The following ABLIM2 variants were observed in gnomAD, a reference collection of about 807,000 sequenced individuals.
The protein encoded by ABLIM2 is actin binding LIM protein family member 2.
Under a neutral mutation model 97.7 loss-of-function variants are expected in ABLIM2, and 53 were observed. The ratio of observed to expected loss-of-function variants is 0.54; its 90% CI spans 0.44 to 0.68. The LOEUF (loss-of-function observed/expected upper bound fraction) is 0.68, where lower values mean the gene tolerates loss of function less well. Among genes scored for constraint, ABLIM2 ranks in the 30% least tolerant of loss-of-function variants. The pLI is 0.00. For synonymous variants in ABLIM2, 361 were observed against 345.8 expected, an observed-to-expected ratio of 1.04 and a Z score of -0.49; for missense variants, 835 against 867.2, an observed-to-expected ratio of 0.96 and a Z score of 0.47.
rs547216729 is a variant in ABLIM2, at chr4:8,118,448, C to T, written c.11-11811G>A. Among the ~76,000 whole-genome samples the T allele has an allele frequency of 7.2e-5, 11 of 152,290 alleles. No homozygotes were observed. The South Asian group carries it at 1.2e-3, about 17-fold the overall frequency. On this transcript the variant is annotated intron_variant, in intron 1 of 20. Transcript: ENST00000447017. The stretch of plus-strand genomic sequence containing the variant: ...TTTCTAATCTGAGTCGGCCTCACTG[C>T]GAGGGGGCCGTCAGCATGATGGAGT...
rs1308076386 is a variant in ABLIM2, at chr4:8,132,250, C to T, written c.11-25613G>A. On this transcript the variant is annotated intron_variant, in intron 1 of 20. Coordinates refer to ENST00000447017, the MANE Select transcript of ABLIM2 (RefSeq NM_001130083.2). This position sits in a 1 kb window ranked among gnomAD's most constrained non-coding sequence, Gnocchi z 8.0. The stretch of plus-strand genomic sequence containing the variant: ...AACCCCTCACTCCCTGACAGCCCAG[C>T]GCTGTGGCTGCCACCCATCACGGGG... 2.6e-5 allele frequency among the ~76,000 whole-genome samples: 4 copies of T among 152,158 alleles called. No individual in the cohort carries two copies. The highest frequency in any genetic ancestry group is 2.1e-4 in the South Asian group (1 of 4,820).
rs1193285589 is a variant in ABLIM2, at chr4:7,998,377, C to T, written c.1619-5450G>A. ...GTACAGCCTGTTCTTTTGGAGGCTA[C>T]GGTTCCAATGACAATTTGCTTTTCA... is the stretch of plus-strand genomic sequence containing the variant. On this transcript the variant is annotated intron_variant, in intron 16 of 20. Transcript: ENST00000447017. The surrounding 1 kb of genome is among the most constrained non-coding windows in gnomAD (Gnocchi z 6.4). Among the ~76,000 whole-genome samples the T allele has an allele frequency of 2.6e-5, 4 of 152,188 alleles. No homozygotes were observed. Among genetic ancestry groups the T allele is most frequent in the Admixed American group, 1.3e-4 (2 of 15,280 alleles).
rs942219374 is a variant in ABLIM2 at position 8,072,192 on chromosome 4, G to T, written c.675+5436C>A. ...AAAAACCCAGACCTGTTTTGCTCCT[G>T]TTCCTCGAATTAGGATGGTTCCTTC... On this transcript the variant is annotated intron_variant, in intron 6 of 20. Transcript: ENST00000447017. This position sits in a 1 kb window ranked among gnomAD's most constrained non-coding sequence, Gnocchi z 5.8. 7.7e-4 allele frequency among the ~76,000 whole-genome samples: 117 copies of T among 152,240 alleles called. 1 individual carries two copies. The highest frequency in any genetic ancestry group is 2.6e-4 in the Non-Finnish European group (18 of 68,036).
At chr4:8,047,975 G>C (rs142589508) in intron 8 of ABLIM2, among the ~76,000 whole-genome samples, 2 of 152,230 alleles carry the variant, frequency 1.3e-5, no homozygotes, top group Admixed American at 6.5e-5. Context: ...AGTCTCCCAG[G>C]CTCCCGAGGA....
chr4:8,097,548 T>C (rs1446814792), intron 2 of ABLIM2, among the ~76,000 whole-genome samples: 1 of 152,156 alleles, frequency 6.6e-6, no homozygotes, highest in Non-Finnish European at 1.5e-5. Context: ...CCAGGCTCTC[T>C]TGAGGGGCTG....
intron 10 of ABLIM2, among the ~76,000 whole-genome samples, chr4:8,030,620 G>T (rs1384796399): frequency 6.6e-6 from 1 of 152,212 alleles, no homozygotes; most frequent in Non-Finnish European, 1.5e-5. Flanking sequence ...CAGCCCTCAT[G>T]CTAGGTTCCT....
Position 8,082,596 on chromosome 4 carries a change from C to T in ABLIM2, c.455-1794G>A, listed in dbSNP as rs899399659. Among the ~76,000 whole-genome samples, 1 of 152,202 alleles carries T rather than the reference C, an allele frequency of 6.6e-6. No individual in the cohort carries two copies. Among genetic ancestry groups the T allele is most frequent in the Non-Finnish European group, 1.5e-5 (1 of 68,036 alleles). ...AAGCCGTTGGTCAAGCTCAGGATTTCCTAAGTGACCACACTGTGCACATTC... is the reference window on the plus strand; with the variant it reads ...AAGCCGTTGGTCAAGCTCAGGATTTTCTAAGTGACCACACTGTGCACATTC... On this transcript the variant is annotated intron_variant, in intron 4 of 20. Transcript: ENST00000447017. This position sits in a 1 kb window ranked among gnomAD's most constrained non-coding sequence, Gnocchi z 5.6.
intron 1 of ABLIM2, among the ~76,000 whole-genome samples, chr4:8,135,158 G>C (rs1850009758): frequency 6.6e-6 from 1 of 152,172 alleles, no homozygotes; most frequent in South Asian, 2.1e-4. Flanking sequence ...AAGGAAAAAA[G>C]GTAGGGAGAA....
chr4:8,000,920 G>A (rs978185993), intron 16 of ABLIM2, among the ~76,000 whole-genome samples: 2 of 152,198 alleles, frequency 1.3e-5, no homozygotes, highest in African/African-American at 2.4e-5. Context: ...CAAAGTCACC[G>A]CTGGACATTC....
At position 8,109,476 on chromosome 4, in the gene ABLIM2, GC is replaced by G. The variant is rs540527227; in HGVS notation, c.11-2840del. ...TCTCCCTGGTAAAAATCGAGTGACT[GC>G]ATCTCAGACAGAGGAGGCCATTTCC... On this transcript the variant is annotated intron_variant, in intron 1 of 20. Transcript: ENST00000447017. 1.7e-3 allele frequency among the ~76,000 whole-genome samples: 257 copies of G among 152,352 alleles called. 2 individuals carry two copies. The highest frequency in any genetic ancestry group is 5.9e-3 in the African/African-American group (247 of 41,584).
At chr4:8,047,358 T>C (rs914536030) in intron 8 of ABLIM2, among the ~76,000 whole-genome samples, 4 of 149,132 alleles carry the variant, frequency 2.7e-5, no homozygotes, top group African/African-American at 9.8e-5. Context: ...CCACCGCCTC[T>C]TCCTCCTCCT....
rs549927448 is a variant in ABLIM2 at position 7,970,060 on chromosome 4, C to A, written c.1825-2957G>T. 4.6e-5 allele frequency among the ~76,000 whole-genome samples: 7 copies of A among 152,256 alleles called. No homozygotes were observed. In the South Asian group the frequency reaches 1.4e-3, roughly 32 times the overall value. ...CTGAATTATGGTGGAACAATCAAGA[C>A]GGATGAGATCAAAGGAAAGAAAAAG... is the stretch of plus-strand genomic sequence containing the variant. On this transcript the variant is annotated intron_variant, in intron 20 of 20. Transcript: ENST00000447017. This position sits in a 1 kb window ranked among gnomAD's most constrained non-coding sequence, Gnocchi z 5.3.
At position 8,054,554 on chromosome 4, in the gene ABLIM2, G is replaced by A. The variant is rs779528031; in HGVS notation, c.764-308C>T. Among the ~76,000 whole-genome samples the A allele has an allele frequency of 1.3e-5, 2 of 152,230 alleles. No homozygotes were observed. Among genetic ancestry groups the A allele is most frequent in the Non-Finnish European group, 2.9e-5 (2 of 68,032 alleles). ...GCATAGGGTCTTGAGGAACCTGGGG[G>A]GCAGCTGGAAGATTCTTCTCTGAGG... is the stretch of plus-strand genomic sequence containing the variant. On this transcript the variant is annotated intron_variant, in intron 7 of 20. Coordinates refer to ENST00000447017, the MANE Select transcript of ABLIM2 (RefSeq NM_001130083.2). This position sits in a 1 kb window ranked among gnomAD's most constrained non-coding sequence, Gnocchi z 4.9.
intron 1 of ABLIM2, among the ~76,000 whole-genome samples, chr4:8,137,123 G>A (rs954744510): frequency 3.3e-5 from 5 of 152,190 alleles, no homozygotes; most frequent in Admixed American, 6.5e-5. Context: ...AGAGTTCAAC[G>A]TCTGTCTTTG....
chr4:8,117,312 G>C (rs1312909518), intron 1 of ABLIM2, among the ~76,000 whole-genome samples: 1 of 152,172 alleles, frequency 6.6e-6, no homozygotes, highest in Non-Finnish European at 1.5e-5. Context: ...CATTTCCAAA[G>C]AAAGCTGCGA....
intron 14 of ABLIM2, among the ~76,000 whole-genome samples, chr4:8,009,433 G>C (rs1055796167): frequency 1.3e-5 from 2 of 152,184 alleles, no homozygotes; most frequent in African/African-American, 4.8e-5. Flanking sequence ...GTCTCGCTCT[G>C]TCACCCAGGC....
At chr4:8,111,699 G>A (rs1257828524) in intron 1 of ABLIM2, among the ~76,000 whole-genome samples, 4 of 152,160 alleles carry the variant, frequency 2.6e-5, no homozygotes, top group African/African-American at 9.7e-5. Context: ...AGCTGAGGTG[G>A]GTGGGTTACT....
chr4:8,041,995 C>A (rs1788985652), intron 9 of ABLIM2, among the ~76,000 whole-genome samples: 1 of 152,220 alleles, frequency 6.6e-6, no homozygotes, highest in South Asian at 2.1e-4. Context: ...ACAGCAACAG[C>A]AACAGCTACC....
In ABLIM2 at chr4:8,095,078, C is replaced by G. The variant is rs1235215834; in HGVS notation, c.338+2021G>C. ...TTTCTTTCTCTTTCTTTCTTTCTCT[C>G]TCTCTCTCTTTCTTTCTTTCTCTTT... On this transcript the variant is annotated intron_variant, in intron 3 of 20. Coordinates refer to ENST00000447017, the MANE Select transcript of ABLIM2 (RefSeq NM_001130083.2). This position sits in a 1 kb window ranked among gnomAD's most constrained non-coding sequence, Gnocchi z 4.7. Among the ~76,000 whole-genome samples the G allele has an allele frequency of 7.2e-6, 1 of 137,948 alleles. No homozygotes were observed. Among genetic ancestry groups the G allele is most frequent in the Non-Finnish European group, 1.6e-5 (1 of 61,378 alleles). The allele number at this position is 137,948 out of a possible 152,430, so 90.5% of individuals were successfully genotyped here. A position where few individuals can be genotyped will look rare whatever the true frequency, so the allele number is the denominator to read the frequency against.
Sources: allele counts gnomAD v4.1 joint callset (sites outside exome capture counted in the v4.1 genomes callset), GRCh38; gene constraint gnomAD v4.1.1; non-coding constraint Gnocchi (gnomAD v3.1); transcripts MANE v1.5; gene names NCBI Gene and HGNC (gene_info 2026-07-23, HGNC 2026-07-21).